Variants in POLR3GL observed in about 807,000 individuals in gnomAD.
POLR3GL encodes the protein DNA-directed RNA polymerase III subunit RPC7-like.
Under a neutral mutation model 32.4 loss-of-function variants are expected in POLR3GL, and 26 were observed. The observed-to-expected ratio is 0.80, with a 90% CI of 0.59 to 1.11. POLR3GL has a LOEUF of 1.11. POLR3GL is among the 50% of genes most tolerant of loss of function. The pLI, the probability that POLR3GL is intolerant of heterozygous loss-of-function variation, is 0.00. For missense variants in POLR3GL, 229 were observed against 280.1 expected (o/e 0.82, Z 1.30); for synonymous variants, 95 against 98.7 (o/e 0.96, Z 0.22).
chr1:145,975,531 ACTAT>A (rs1650512052), intron 3 of POLR3GL, 95 bp downstream of exon 3: 2 of 1,393,918 alleles, frequency 1.4e-6, no homozygotes, highest in South Asian at 2.5e-5. Flanking sequence ...CAGGAAGCAT[ACTAT>A]CTAACTGGGG....
At chr1:145,966,631 C>CA (rs1322485647) in intron 1 of POLR3GL, among the ~76,000 whole-genome samples, 5 of 151,014 alleles carry the variant, frequency 3.3e-5, no homozygotes, top group African/African-American at 7.3e-5. Context: ...ACTAAAACTA[C>CA]AAAAAAAATT....
At chr1:145,978,284 T>C (rs1308702200) in intron 7 of POLR3GL, 77 bp from the exon 8 acceptor site, 8 of 1,334,418 alleles carry the variant, frequency 6.0e-6, no homozygotes, top group Non-Finnish European at 8.6e-6. Context: ...ATGGTGTGAC[T>C]GAGAGGAAAG....
At chr1:145,977,697 G>A (rs1650625373) in intron 5 of POLR3GL, 81 bp from the exon 6 acceptor site, 2 of 1,398,794 alleles carry the variant, frequency 1.4e-6, no homozygotes, top group Non-Finnish European at 2.0e-6. Flanking sequence ...GCAGCAGAGT[G>A]ACATGTTCTT....
At chr1:145,977,224 G>A (rs1055398441) in intron 4 of POLR3GL, 72 bp downstream of exon 4, 10 of 1,306,690 alleles carry the variant, frequency 7.7e-6, no homozygotes, top group South Asian at 5.9e-5. Context: ...TTCCCACCAC[G>A]CCCATGACCC....
At chr1:145,973,880 C>T (rs1650435266) in intron 1 of POLR3GL, among the ~76,000 whole-genome samples, 1 of 149,016 alleles carries the variant, frequency 6.7e-6, no homozygotes, top group Non-Finnish European at 1.5e-5. Flanking sequence ...TTTGGCCTCT[C>T]GCGGTGGCTC....
intron 6 of POLR3GL, 34 bp downstream of exon 6, chr1:145,977,885 C>A: frequency 6.2e-7 from 1 of 1,613,440 alleles, no homozygotes; most frequent in African/African-American, 1.3e-5. Flanking sequence ...ACCTCCTGAG[C>A]CCTGGATCCA....
chr1:145,975,829 GC>G (rs1219557080), intron 3 of POLR3GL, among the ~76,000 whole-genome samples: 2 of 152,008 alleles, frequency 1.3e-5, no homozygotes, highest in African/African-American at 4.8e-5. Flanking sequence ...GAGCCACTGC[GC>G]CCAGCAAAAT....
intron 3 of POLR3GL, among the ~76,000 whole-genome samples, chr1:145,976,589 C>T (rs1412693396): frequency 3.4e-5 from 4 of 118,404 alleles, no homozygotes; most frequent in East Asian, 5.1e-4. Context: ...AAAAAAAAAT[C>T]GTAATTTTGG....
chr1:145,976,953 G>A, intron 3 of POLR3GL, 131 bp from the exon 4 acceptor site: 1 of 679,306 alleles, frequency 1.5e-6, no homozygotes, highest in Non-Finnish European at 2.6e-6. Flanking sequence ...CCTCACTGAA[G>A]CTGACCCCCT....
At chr1:145,970,669 C>T (rs1036422506) in intron 1 of POLR3GL, among the ~76,000 whole-genome samples, 3 of 145,906 alleles carry the variant, frequency 2.1e-5, no homozygotes, top group Admixed American at 6.8e-5. Context: ...GTCAGGAGTT[C>T]GAGACCAACC....
Position 145,974,967 on chromosome 1 carries a change from C to A in POLR3GL, c.102C>A (p.Thr34=). The stretch of plus-strand genomic sequence containing the variant: ...AAGGGGATGCTTTGCCCCCACCCAC[C>A]CTGCAGCCTTCTCCACTCTTCCCTG... The part of the protein sequence containing the change: ...IGKGDALPPP[T]LQPSPLFPPL... The change falls in exon 2 of 8, where the codon ACC becomes ACA. Residue 34 remains threonine (T), a synonymous_variant. Transcript: ENST00000369314. 6.6e-7 allele frequency: 1 copy of A among 1,520,248 alleles called. No individual in the cohort carries two copies. Among genetic ancestry groups the A allele is most frequent in the South Asian group, 1.3e-5 (1 of 77,074 alleles). The allele number at this position is 1,520,248 out of a possible 1,614,324, so 94.2% of individuals were successfully genotyped here. A position where few individuals can be genotyped will look rare whatever the true frequency, so the allele number is the denominator to read the frequency against.
Position 145,977,500 on chromosome 1 carries a change from CG to C in POLR3GL, c.346del (p.Glu116SerfsTer2). The C allele has an allele frequency of 6.2e-7, 1 of 1,614,070 alleles. No individual in the cohort carries two copies. The highest frequency in any genetic ancestry group is 2.2e-5 in the East Asian group (1 of 44,886). ...DWNPDWRRLP[R>X]ELKIRVRKLQ... ...ATTCCCAGATTGGCGGCGTCTACCC[CG>C]GGAGCTAAAGATCCGAGTGCGGAAG... On this transcript the variant is annotated frameshift_variant, in exon 5 of 8. Transcript: ENST00000369314. LOFTEE classifies it high-confidence loss of function.
At chr1:145,969,297 G>C (rs149428823) in intron 1 of POLR3GL, among the ~76,000 whole-genome samples, 1 of 151,252 alleles carries the variant, frequency 6.6e-6, no homozygotes, top group African/African-American at 2.4e-5. Flanking sequence ...ACACAGTCTC[G>C]CTCTTTTGCC....
At chr1:145,975,571 T>C in intron 3 of POLR3GL, 135 bp downstream of exon 3, 1 of 940,694 alleles carries the variant, frequency 1.1e-6, no homozygotes. Flanking sequence ...CCCCTGTATC[T>C]GAAATGCATT....
chr1:145,975,251 C>A, intron 2 of POLR3GL, 56 bp from the exon 3 acceptor site: 4 of 1,586,622 alleles, frequency 2.5e-6, no homozygotes, highest in Non-Finnish European at 3.5e-6. Flanking sequence ...GAGGGGTCTT[C>A]CTAAATTTGT....
chr1:145,977,897 T>C (rs1440375083), intron 6 of POLR3GL, 46 bp downstream of exon 6: 2 of 1,613,722 alleles, frequency 1.2e-6, no homozygotes, highest in Non-Finnish European at 1.7e-6. Flanking sequence ...CTGGATCCAT[T>C]CCCTCTCTCT....
chr1:145,969,764 C>A (rs1171443273), intron 1 of POLR3GL, among the ~76,000 whole-genome samples: 1 of 150,546 alleles, frequency 6.6e-6, no homozygotes, highest in African/African-American at 2.4e-5. Context: ...ACTAAAAATA[C>A]AAAAATTAGC....
intron 7 of POLR3GL, 114 bp from the exon 8 acceptor site, chr1:145,978,247 A>G: frequency 2.3e-6 from 3 of 1,305,018 alleles, no homozygotes; most frequent in Non-Finnish European, 3.2e-6. Context: ...TACAAACTAC[A>G]GCTGGAAGAG....
At chr1:145,972,062 T>C (rs1650346610) in intron 1 of POLR3GL, among the ~76,000 whole-genome samples, 1 of 136,496 alleles carries the variant, frequency 7.3e-6, no homozygotes, top group Non-Finnish European at 1.5e-5. Context: ...AGAGAGAAAT[T>C]CCCTATACAC....
Sources: allele counts gnomAD v4.1 joint callset (sites outside exome capture counted in the v4.1 genomes callset), GRCh38; gene constraint gnomAD v4.1.1; transcripts MANE v1.5; gene names NCBI Gene and HGNC (gene_info 2026-07-23, HGNC 2026-07-21).